GRID1: variants seen among roughly 807,000 people sequenced by gnomAD.
GRID1 encodes the protein glutamate receptor ionotropic, delta-1.
A neutral mutation model predicts 98.0 loss-of-function variants in GRID1; 28 were observed. The observed-to-expected ratio is 0.29, with a 90% confidence interval of 0.21 to 0.39. GRID1 has a LOEUF of 0.39. Ranked by LOEUF, GRID1 falls within the 10% of genes least tolerant of loss-of-function variation. The pLI, the probability that GRID1 is intolerant of heterozygous loss-of-function variation, is 1.00. For synonymous variants in GRID1, 553 were observed against 538.5 expected, an observed-to-expected ratio of 1.03 and a Z score of -0.37; for missense variants, 1,111 against 1,340.5, an observed-to-expected ratio of 0.83 and a Z score of 2.67.
intron 3 of GRID1, among the ~76,000 whole-genome samples, chr10:86,197,605 G>C (rs910148088): frequency 1.3e-5 from 2 of 152,080 alleles, no homozygotes; most frequent in Admixed American, 6.6e-5. Flanking sequence ...AAGAGGAAAC[G>C]GGGGACGATC....
intron 8 of GRID1, among the ~76,000 whole-genome samples, chr10:85,853,891 A>T (rs1843084357): frequency 6.6e-6 from 1 of 152,186 alleles, no homozygotes; most frequent in East Asian, 1.9e-4. Flanking sequence ...CACCCATAAG[A>T]GGTGGAAGAA....
At chr10:85,949,125 C>T (rs539019451) in intron 4 of GRID1, among the ~76,000 whole-genome samples, 9 of 152,060 alleles carry the variant, frequency 5.9e-5, no homozygotes, top group African/African-American at 1.9e-4. Flanking sequence ...GTGTGGGGTG[C>T]GGGAGGGGAA....
chr10:86,145,424 T>C (rs1845073998), intron 3 of GRID1, among the ~76,000 whole-genome samples: 1 of 152,160 alleles, frequency 6.6e-6, no homozygotes, highest in South Asian at 2.1e-4. Context: ...GGTTTCACCA[T>C]GCCTAACAGC....
chr10:85,863,110 C>G (rs546017169), intron 6 of GRID1, among the ~76,000 whole-genome samples: 1 of 152,332 alleles, frequency 6.6e-6, no homozygotes, highest in Admixed American at 6.5e-5. Context: ...TTAGTCCACT[C>G]AGGTCACTGT....
At chr10:85,881,245 A>G (rs1400769328) in intron 5 of GRID1, among the ~76,000 whole-genome samples, 1 of 152,180 alleles carries the variant, frequency 6.6e-6, no homozygotes, top group Non-Finnish European at 1.5e-5. Flanking sequence ...GCTACCAATG[A>G]CTTTCTTCAC....
intron 4 of GRID1, among the ~76,000 whole-genome samples, chr10:86,034,950 ATG>A (rs1491322863): frequency 5.8e-4 from 83 of 143,030 alleles, no homozygotes; most frequent in Non-Finnish European, 8.6e-4. Flanking sequence ...GGATGGATGG[ATG>A]GATAGATGGT....
At chr10:86,112,878 G>T (rs1361889037) in intron 4 of GRID1, among the ~76,000 whole-genome samples, 1 of 152,168 alleles carries the variant, frequency 6.6e-6, no homozygotes, top group Non-Finnish European at 1.5e-5. Flanking sequence ...GCTGAGGGAT[G>T]CATGTTTTGC....
At chr10:85,754,224 G>T (rs1842074717) in intron 8 of GRID1, among the ~76,000 whole-genome samples, 1 of 152,096 alleles carries the variant, frequency 6.6e-6, no homozygotes. Context: ...TTTTTCAAAT[G>T]TGGGCAATAG....
intron 4 of GRID1, among the ~76,000 whole-genome samples, chr10:85,978,903 T>A (rs530444543): frequency 6.6e-6 from 1 of 152,340 alleles, no homozygotes; most frequent in Non-Finnish European, 1.5e-5. Context: ...GGTTCCATTT[T>A]ATATACAGAG....
intron 5 of GRID1, among the ~76,000 whole-genome samples, chr10:85,910,256 T>A (rs1168065868): frequency 6.6e-6 from 1 of 152,258 alleles, no homozygotes; most frequent in Non-Finnish European, 1.5e-5. Flanking sequence ...AATCTTTTCC[T>A]TCCCTCTCTT....
chr10:86,131,115 T>C (rs1361237037), intron 4 of GRID1, among the ~76,000 whole-genome samples: 2 of 152,190 alleles, frequency 1.3e-5, no homozygotes, highest in African/African-American at 4.8e-5. Flanking sequence ...ATAGCTTCTC[T>C]GAGATAAATT....
At chr10:86,268,828 T>A (rs1847143449) in intron 2 of GRID1, among the ~76,000 whole-genome samples, 1 of 152,038 alleles carries the variant, frequency 6.6e-6, no homozygotes, top group Admixed American at 6.6e-5. Context: ...CCATCTCTAC[T>A]AAAAATACAA....
At chr10:86,093,196 C>T (rs1284235199) in intron 4 of GRID1, among the ~76,000 whole-genome samples, 2 of 152,014 alleles carry the variant, frequency 1.3e-5, no homozygotes, top group Non-Finnish European at 2.9e-5. Flanking sequence ...ACAATAATGA[C>T]ACAACCTATC....
Position 86,086,188 on chromosome 10 carries a change from C to T in GRID1, c.726+52631G>A, listed in dbSNP as rs1343381305. On this transcript the variant is annotated intron_variant, in intron 4 of 15. Coordinates refer to ENST00000327946, the MANE Select transcript of GRID1 (RefSeq NM_017551.3). ...GGCTCCTTCCTGCCACAGAACTCAC[C>T]ACCCTCCACAATTGTCTGCTCCACT... Among the ~76,000 whole-genome samples the T allele has an allele frequency of 4.6e-5, 7 of 152,116 alleles. No homozygotes were observed. In the South Asian group the frequency reaches 6.2e-4, roughly 14 times the overall value.
chr10:86,042,899 A>G (rs147316749), intron 4 of GRID1, among the ~76,000 whole-genome samples: 3 of 152,246 alleles, frequency 2.0e-5, no homozygotes, highest in African/African-American at 7.2e-5. Flanking sequence ...CAGCCAGGGC[A>G]ACATAGTAAG....
chr10:86,143,299 C>T (rs1845035472), intron 3 of GRID1, among the ~76,000 whole-genome samples: 2 of 152,346 alleles, frequency 1.3e-5, no homozygotes, highest in South Asian at 4.1e-4. Context: ...TCCTGCCACT[C>T]TCCAGGAATG....
At chr10:86,256,956 C>G (rs1374366799) in intron 2 of GRID1, among the ~76,000 whole-genome samples, 1 of 152,228 alleles carries the variant, frequency 6.6e-6, no homozygotes, top group East Asian at 1.9e-4. Flanking sequence ...CTGCATCCTT[C>G]TCTCAGGCTC....
At chr10:85,837,835 G>T (rs1451609537) in intron 8 of GRID1, among the ~76,000 whole-genome samples, 2 of 152,166 alleles carry the variant, frequency 1.3e-5, no homozygotes, top group Non-Finnish European at 2.9e-5. Flanking sequence ...GACAGAAATA[G>T]AATTCAGAAT....
chr10:85,845,615 T>C (rs540550328), intron 8 of GRID1, among the ~76,000 whole-genome samples: 1 of 152,312 alleles, frequency 6.6e-6, no homozygotes, highest in East Asian at 1.9e-4. Context: ...AAAATAAGTA[T>C]GAAGCTTGCT....
Sources: gnomAD v4.1 joint callset for allele counts (sites outside exome capture counted in the v4.1 genomes callset) on GRCh38, gnomAD v4.1.1 for gene constraint, MANE v1.5 for transcripts, NCBI Gene and HGNC (gene_info 2026-07-23, HGNC 2026-07-21) for gene names.